The following SLIT1 variants were observed in gnomAD, a reference collection of about 807,000 sequenced individuals.
The protein encoded by SLIT1 is slit homolog 1 protein.
SLIT1 carries 66 observed loss-of-function variants against 186.1 expected under a neutral mutation model. The ratio of observed to expected loss-of-function variants is 0.35; its 90% CI spans 0.29 to 0.44. The LOEUF is 0.44. SLIT1 is among the 20% of genes least tolerant of loss of function. The pLI, the probability that SLIT1 is intolerant of heterozygous loss-of-function variation, is 1.00. For missense variants in SLIT1, 1,638 were observed against 2,037.4 expected (o/e 0.80, Z 3.77); for synonymous variants, 761 against 833.8 (o/e 0.91, Z 1.50).
At chr10:97,090,085 T>G (rs1175566509) in intron 4 of SLIT1, among the ~76,000 whole-genome samples, 1 of 152,080 alleles carries the variant, frequency 6.6e-6, no homozygotes, top group Non-Finnish European at 1.5e-5. Context: ...CCCTCTCCAT[T>G]CTCAGGGCCG....
At chr10:97,078,937 C>T (rs2817683) in intron 4 of SLIT1, among the ~76,000 whole-genome samples, 78,400 of 152,118 alleles carry the variant, frequency 0.52, 22,632 homozygotes, top group African/African-American at 0.79. Flanking sequence ...TTAGGACCAG[C>T]GACTTCAGAA....
intron 11 of SLIT1, among the ~76,000 whole-genome samples, chr10:97,058,432 T>C (rs1848861277): frequency 6.6e-6 from 1 of 152,188 alleles, no homozygotes; most frequent in Non-Finnish European, 1.5e-5. Flanking sequence ...TAGGAGAGCT[T>C]TATTCACTTC....
At position 97,063,578 on chromosome 10, in the gene SLIT1, C is replaced by A; in HGVS notation, c.670G>T (p.Ala224Ser). 6.2e-7 allele frequency: 1 copy of A among 1,612,926 alleles called. No individual in the cohort carries two copies. Among genetic ancestry groups the A allele is most frequent in the Non-Finnish European group, 8.5e-7 (1 of 1,179,592 alleles). ...TGCCTCAGCCACTGCGAGAGCCAGG[C>A]CAGGTGGCAGTCGCAAAACAGGTGG... ...SNHLFCDCHL[A>S]WLSQWLRQRP... is the part of the protein sequence containing the mutation. Residue 224 changes from alanine (A) to serine (S), a missense_variant, in exon 8 of 37, where the codon GCC (alanine) becomes TCC (serine). This residue lies in a region of SLIT1 where 1,245 missense variants were observed against 1,535.3 expected (regional missense o/e 0.81). Transcript: ENST00000266058.
intron 4 of SLIT1, among the ~76,000 whole-genome samples, chr10:97,095,508 AAGCT>A (rs1166456060): frequency 1.3e-5 from 2 of 152,110 alleles, no homozygotes; most frequent in Non-Finnish European, 2.9e-5. Flanking sequence ...AAGCGGGGAG[AAGCT>A]AGCATGTCCC....
Position 97,060,627 on chromosome 10 carries a change from G to T in SLIT1, c.941+13C>A. On this transcript the variant is annotated intron_variant, in intron 9 of 36. Coordinates refer to ENST00000266058, the MANE Select transcript of SLIT1 (RefSeq NM_003061.3). ...AGGGCTGTGCCCCAGCATCTGCCCT[G>T]CCCCGTACTCACATCTCCGTCATGG... 1 of 1,612,272 alleles carries T rather than the reference G, an allele frequency of 6.2e-7. No homozygotes were observed. The highest frequency in any genetic ancestry group is 8.5e-7 in the Non-Finnish European group (1 of 1,179,992).
intron 4 of SLIT1, among the ~76,000 whole-genome samples, chr10:97,131,614 C>G (rs868848088): frequency 1.3e-5 from 2 of 152,246 alleles, no homozygotes; most frequent in Non-Finnish European, 2.9e-5. Context: ...TCCCAAATGG[C>G]TCCACCACCT....
At chr10:97,086,990 T>C (rs900972931) in intron 4 of SLIT1, among the ~76,000 whole-genome samples, 3 of 151,934 alleles carry the variant, frequency 2.0e-5, no homozygotes, top group Non-Finnish European at 2.9e-5. Context: ...CAGGGGAGGC[T>C]GTGCTTGTGA....
chr10:97,149,531 C>G (rs762142819), intron 4 of SLIT1, among the ~76,000 whole-genome samples: 1 of 152,062 alleles, frequency 6.6e-6, no homozygotes, highest in Non-Finnish European at 1.5e-5. Context: ...CCATGCCTGA[C>G]GGGGAGCAAG....
At chr10:97,171,909 G>A in intron 1 of SLIT1, among the ~76,000 whole-genome samples, 1 of 151,924 alleles carries the variant, frequency 6.6e-6, no homozygotes. Context: ...TGCTCCTTCT[G>A]ACTTGCTACT....
chr10:97,185,721 T>C lies in SLIT1; in HGVS notation c.-47A>G, dbSNP rs952243202. Reference sequence around the variant, plus strand: ...TCGCGAGCCAGACGGCAGCAGCCGCTGACCATCCCCGTCCGGGGCCGCCTC... The same window carrying C: ...TCGCGAGCCAGACGGCAGCAGCCGCCGACCATCCCCGTCCGGGGCCGCCTC... On this transcript the variant is annotated 5_prime_UTR_variant, in exon 1 of 37. Coordinates refer to ENST00000266058, the MANE Select transcript of SLIT1 (RefSeq NM_003061.3). 1 of 1,416,794 alleles carries C rather than the reference T, an allele frequency of 7.1e-7. No individual in the cohort carries two copies. The highest frequency in any genetic ancestry group is 1.5e-5 in the African/African-American group (1 of 66,286). The allele number at this position is 1,416,794 out of a possible 1,614,324, so 87.8% of individuals were successfully genotyped here.
intron 4 of SLIT1, among the ~76,000 whole-genome samples, chr10:97,126,757 G>A (rs778797399): frequency 6.6e-6 from 1 of 152,194 alleles, no homozygotes; most frequent in African/African-American, 2.4e-5. Flanking sequence ...GGTCCTGAGA[G>A]CTCACAGGCT....
chr10:97,097,190 T>A lies in SLIT1; in HGVS notation c.414-31104A>T, dbSNP rs149287914. Among the ~76,000 whole-genome samples, 12 of 152,254 alleles carry A rather than the reference T, an allele frequency of 7.9e-5. No homozygotes were observed. In the East Asian group the frequency reaches 2.3e-3, roughly 29 times the overall value. On this transcript the variant is annotated intron_variant, in intron 4 of 36. Transcript: ENST00000266058. ...CGTCTAACACTGCAACCACATCTCATCCCTACAGCTACTACGCTGATGGGC... is the reference window on the plus strand; with the variant it reads ...CGTCTAACACTGCAACCACATCTCAACCCTACAGCTACTACGCTGATGGGC...
intron 4 of SLIT1, among the ~76,000 whole-genome samples, chr10:97,141,747 G>A (rs541701994): frequency 2.0e-4 from 29 of 148,490 alleles, no homozygotes; most frequent in Admixed American, 4.7e-4. Flanking sequence ...GTATCGTATC[G>A]TATCGTATCG....
intron 1 of SLIT1, among the ~76,000 whole-genome samples, chr10:97,179,259 C>T (rs1850298206): frequency 6.6e-6 from 1 of 152,166 alleles, no homozygotes; most frequent in African/African-American, 2.4e-5. Context: ...AGCCAGCTTT[C>T]CCTAGCATTA....
chr10:97,140,595 C>T (rs758709186), intron 4 of SLIT1, among the ~76,000 whole-genome samples: 24 of 152,224 alleles, frequency 1.6e-4, no homozygotes, highest in Admixed American at 7.8e-4. Flanking sequence ...TTGGCCTCCG[C>T]GATCGGCCGA....
At chr10:97,158,386 G>C (rs1252845835) in intron 3 of SLIT1, among the ~76,000 whole-genome samples, 2 of 152,028 alleles carry the variant, frequency 1.3e-5, no homozygotes, top group African/African-American at 4.8e-5. Context: ...TAGCAGCTGG[G>C]CGCAGTGGCT....
At chr10:97,106,004 C>A (rs142911997) in intron 4 of SLIT1, among the ~76,000 whole-genome samples, 2 of 152,214 alleles carry the variant, frequency 1.3e-5, no homozygotes, top group Non-Finnish European at 2.9e-5. Context: ...GGGCATCCAC[C>A]GGTTTTTGTT....
At chr10:97,012,697 G>A (rs927510146) in intron 30 of SLIT1, among the ~76,000 whole-genome samples, 2 of 152,212 alleles carry the variant, frequency 1.3e-5, no homozygotes, top group Non-Finnish European at 2.9e-5. Flanking sequence ...CCATTTGGAT[G>A]GAGGCTCTTG....
chr10:97,110,993 C>A (rs947952629), intron 4 of SLIT1, among the ~76,000 whole-genome samples: 1 of 152,120 alleles, frequency 6.6e-6, no homozygotes, highest in Non-Finnish European at 1.5e-5. Flanking sequence ...GAGTTTGAGA[C>A]CAGCTGGCCA....
Sources: gnomAD v4.1 joint callset for allele counts (sites outside exome capture counted in the v4.1 genomes callset) on GRCh38, gnomAD v4.1.1 for gene constraint, gnomAD v4.1.1 regional missense constraint, MANE v1.5 for transcripts, NCBI Gene and HGNC (gene_info 2026-07-23, HGNC 2026-07-21) for gene names.